GDPD4: variants seen among roughly 807,000 people sequenced by gnomAD.
GDPD4 encodes the protein glycerophosphodiester phosphodiesterase 6.
In GDPD4, 60 loss-of-function variants were observed where a neutral mutation model predicts 67.8. The ratio of observed to expected loss-of-function variants is 0.88; its 90% CI spans 0.72 to 1.10. The LOEUF is 1.10. GDPD4 is among the 50% of genes least tolerant of loss of function. The probability of loss-of-function intolerance (pLI) is 0.00; values close to 1 mark genes in which losing one functional copy is unlikely to be tolerated. For missense variants in GDPD4, 623 were observed against 613.9 expected, an observed-to-expected ratio of 1.01 and a Z score of -0.16; for synonymous variants, 212 against 210.9, an observed-to-expected ratio of 1.00 and a Z score of -0.04.
chr11:77,246,010 C>T (rs1218674052), intron 11 of GDPD4, among the ~76,000 whole-genome samples: 2 of 152,192 alleles, frequency 1.3e-5, no homozygotes, highest in Admixed American at 6.5e-5. Context: ...AAAGAGACTT[C>T]AAGGCTGGTG....
intron 3 of GDPD4, 71 bp downstream of exon 3, chr11:77,285,014 G>C: frequency 1.8e-6 from 2 of 1,085,996 alleles, no homozygotes; most frequent in South Asian, 2.6e-5. Context: ...TTTTCAGCCT[G>C]AGGTAGAATC....
Position 77,233,134 on chromosome 11 carries a change from G to T in GDPD4, c.1280C>A (p.Thr427Asn), listed in dbSNP as rs751175673. The change falls in exon 14 of 17, where the codon ACC becomes AAC. Residue 427 changes from threonine to asparagine, a missense_variant. Coordinates refer to ENST00000315938, the MANE Select transcript of GDPD4 (RefSeq NM_182833.3). ...TGAGAAAAGCCAAGGCTCATTGACGGTGTATACGTTGATATGGATGTTAGC... is the reference window on the plus strand; with the variant it reads ...TGAGAAAAGCCAAGGCTCATTGACGTTGTATACGTTGATATGGATGTTAGC... ...KAANIHINVY[T>N]VNEPWLFSLA... 6.2e-7 allele frequency: 1 copy of T among 1,613,976 alleles called. No homozygotes were observed. The highest frequency in any genetic ancestry group is 2.2e-5 in the East Asian group (1 of 44,888).
At chr11:77,241,302 A>G (rs775914156) in intron 13 of GDPD4, among the ~76,000 whole-genome samples, 18 of 152,192 alleles carry the variant, frequency 1.2e-4, no homozygotes, top group Non-Finnish European at 2.6e-4. Flanking sequence ...CATGGGCGAC[A>G]TTATGGTAAG....
At chr11:77,248,603 G>A (rs1029649094) in intron 11 of GDPD4, among the ~76,000 whole-genome samples, 2 of 152,118 alleles carry the variant, frequency 1.3e-5, no homozygotes, top group Admixed American at 1.3e-4. Context: ...CTTAAGTAGT[G>A]GGAGTATCTA....
At chr11:77,274,350 C>T (rs1194696010) in intron 5 of GDPD4, among the ~76,000 whole-genome samples, 2 of 152,200 alleles carry the variant, frequency 1.3e-5, no homozygotes, top group African/African-American at 4.8e-5. Flanking sequence ...AATGTGACCA[C>T]CAATACTGGA....
chr11:77,270,988 G>C (rs1959214184), intron 7 of GDPD4, 142 bp downstream of exon 7: 1 of 640,884 alleles, frequency 1.6e-6, no homozygotes, highest in African/African-American at 1.9e-5. Flanking sequence ...GAAAGCACAG[G>C]AGCATGCCTG....
chr11:77,227,726 C>T (rs1421560255), intron 16 of GDPD4, 138 bp downstream of exon 16: 3 of 672,082 alleles, frequency 4.5e-6, no homozygotes, highest in Non-Finnish European at 8.1e-6. Flanking sequence ...CTATACTTCC[C>T]CTGGTCCCTC....
chr11:77,268,479 A>T lies in GDPD4; in HGVS notation c.685T>A (p.Leu229Met). ...EKAVEHGAHGLETDIHLSYDH... is the reference protein window; with the variant it reads ...EKAVEHGAHGMETDIHLSYDH... The stretch of plus-strand genomic sequence containing the variant: ...TACCTTAAGTGTATATCAGTCTCCA[A>T]TCCATGGGCTCCATGTTCAACAGCT... Residue 229 changes from leucine to methionine, a missense_variant, in exon 10 of 17, where the codon TTG becomes ATG. Leu to Met is a conservative substitution (Grantham distance 15). Coordinates refer to ENST00000315938, the MANE Select transcript of GDPD4 (RefSeq NM_182833.3). The T allele has an allele frequency of 6.2e-7, 1 of 1,612,772 alleles. No individual in the cohort carries two copies. The highest frequency in any genetic ancestry group is 8.5e-7 in the Non-Finnish European group (1 of 1,178,956).
At chr11:77,233,240 A>G (rs1369193747) in intron 13 of GDPD4, 68 bp from the exon 14 acceptor site, 4 of 1,492,732 alleles carry the variant, frequency 2.7e-6, no homozygotes, top group East Asian at 2.3e-5. Flanking sequence ...AAAGGAGAAC[A>G]GCCACCATGT....
chr11:77,226,606 C>T (rs950224777), intron 16 of GDPD4, among the ~76,000 whole-genome samples: 1 of 152,192 alleles, frequency 6.6e-6, no homozygotes, highest in Non-Finnish European at 1.5e-5. Flanking sequence ...TTGTTCAAGC[C>T]ACCCAGTCTA....
At chr11:77,272,903 A>G (rs932932238) in intron 5 of GDPD4, among the ~76,000 whole-genome samples, 2 of 152,064 alleles carry the variant, frequency 1.3e-5, no homozygotes, top group African/African-American at 4.8e-5. Context: ...GTGTGTTTTG[A>G]GCAAAATATG....
chr11:77,222,037 A>T (rs1383394865), intron 16 of GDPD4, among the ~76,000 whole-genome samples: 1 of 152,186 alleles, frequency 6.6e-6, no homozygotes, highest in East Asian at 1.9e-4. Context: ...ATCAGAGACT[A>T]GGATTGCAAC....
At chr11:77,274,996 A>G (rs1959391441) in intron 5 of GDPD4, among the ~76,000 whole-genome samples, 3 of 152,210 alleles carry the variant, frequency 2.0e-5, no homozygotes. Context: ...GACTACAGTT[A>G]GCAATAATTT....
intron 1 of GDPD4, among the ~76,000 whole-genome samples, chr11:77,288,620 C>G (rs1937650488): frequency 6.6e-6 from 1 of 152,040 alleles, no homozygotes; most frequent in Admixed American, 6.5e-5. Flanking sequence ...AGTGCCCCAC[C>G]CAACCAACTC....
At chr11:77,265,856 T>C (rs2135866816) in intron 10 of GDPD4, among the ~76,000 whole-genome samples, 1 of 152,274 alleles carries the variant, frequency 6.6e-6, no homozygotes, top group Non-Finnish European at 1.5e-5. Context: ...CTGATTTTTC[T>C]CCATCCCTTT....
intron 11 of GDPD4, among the ~76,000 whole-genome samples, chr11:77,253,025 T>C (rs1047765244): frequency 1.3e-5 from 2 of 152,058 alleles, no homozygotes; most frequent in African/African-American, 4.8e-5. Flanking sequence ...ATTGGCAGAG[T>C]CCTAGGATCA....
rs1237821733 is a variant in GDPD4 at position 77,217,101 on chromosome 11, T to G, written c.*176A>C. 1 of 710,546 alleles carries G rather than the reference T, an allele frequency of 1.4e-6. No individual in the cohort carries two copies. The highest frequency in any genetic ancestry group is 2.6e-6 in the Non-Finnish European group (1 of 386,632). The allele number at this position is 710,546 out of a possible 1,614,324, so 44.0% of individuals were successfully genotyped here. A position where few individuals can be genotyped will look rare whatever the true frequency, so the allele number is the denominator to read the frequency against. ...GGTTGAATCTCATGCTTGCCAGGCT[T>G]CAAAGGTGTGACAGCATTCTTGATA... On this transcript the variant is annotated 3_prime_UTR_variant, in exon 17 of 17. Coordinates refer to ENST00000315938, the MANE Select transcript of GDPD4 (RefSeq NM_182833.3).
intron 4 of GDPD4, among the ~76,000 whole-genome samples, chr11:77,277,611 T>C (rs915831523): frequency 1.1e-4 from 16 of 151,890 alleles, no homozygotes; most frequent in African/African-American, 3.6e-4. Flanking sequence ...TTATCATTTT[T>C]TATTGTGTCT....
At chr11:77,280,883 G>A (rs1959726337) in intron 3 of GDPD4, among the ~76,000 whole-genome samples, 1 of 152,214 alleles carries the variant, frequency 6.6e-6, no homozygotes, top group Non-Finnish European at 1.5e-5. Context: ...TTATGTGACT[G>A]CCTGAACATC....
Sources: gnomAD v4.1 joint callset for allele counts (sites outside exome capture counted in the v4.1 genomes callset) on GRCh38, gnomAD v4.1.1 for gene constraint, MANE v1.5 for transcripts, NCBI Gene and HGNC (gene_info 2026-07-23, HGNC 2026-07-21) for gene names.